Variants in ANKRD13C observed in about 807,000 individuals in gnomAD.
ANKRD13C encodes the protein ankyrin repeat domain-containing protein 13C.
A neutral mutation model predicts 65.5 loss-of-function variants in ANKRD13C; 16 were observed. The ratio of observed to expected loss-of-function variants is 0.24; its 90% CI spans 0.17 to 0.37. The LOEUF (loss-of-function observed/expected upper bound fraction) is 0.37, where lower values mean the gene tolerates loss of function less well. ANKRD13C is among the 10% of genes least tolerant of loss of function. The probability of loss-of-function intolerance (pLI) is 1.00; values close to 1 mark genes in which losing one functional copy is unlikely to be tolerated. For missense variants in ANKRD13C, 503 were observed against 655.9 expected, an observed-to-expected ratio of 0.77 and a Z score of 2.55; for synonymous variants, 235 against 238.7, an observed-to-expected ratio of 0.98 and a Z score of 0.14.
Position 70,297,286 on chromosome 1 carries a change from GAT to G in ANKRD13C, c.922-1027_922-1026del, listed in dbSNP as rs1491326465. On this transcript the variant is annotated intron_variant, in intron 7 of 12. Coordinates refer to ENST00000370944, the MANE Select transcript of ANKRD13C (RefSeq NM_030816.5). ...TTTAACCTACATAGAGTCCCTTTCT[GAT>G]TTTTTTTTTTTTTTTTTTTTTTTGA... 2.0e-3 allele frequency among the ~76,000 whole-genome samples: 252 copies of G among 125,102 alleles called. 6 individuals carry two copies. The highest frequency in any genetic ancestry group is 6.7e-3 in the African/African-American group (225 of 33,424). The allele number at this position is 125,102 out of a possible 152,430, so 82.1% of individuals were successfully genotyped here. A position where few individuals can be genotyped will look rare whatever the true frequency, so the allele number is the denominator to read the frequency against.
intron 9 of ANKRD13C, among the ~76,000 whole-genome samples, chr1:70,289,329 A>G (rs1679755443): frequency 6.6e-6 from 1 of 152,202 alleles, no homozygotes; most frequent in Admixed American, 6.5e-5. Flanking sequence ...CTCTGCCCTT[A>G]AGAAAATCAA....
chr1:70,309,568 T>C lies in ANKRD13C; in HGVS notation c.710-3278A>G, dbSNP rs192309897. 7.5e-5 allele frequency among the ~76,000 whole-genome samples: 11 copies of C among 147,414 alleles called. No homozygotes were observed. In the East Asian group the frequency reaches 2.0e-3, roughly 27 times the overall value. ...CCCGTCTGTACTAAAAAAAAGAAAA[T>C]ACAAAAAATTAGCCGGGCGTGGTGG... On this transcript the variant is annotated intron_variant, in intron 5 of 12. Transcript: ENST00000370944.
At chr1:70,292,269 G>A in intron 9 of ANKRD13C, 119 bp downstream of exon 9, 1 of 674,640 alleles carries the variant, frequency 1.5e-6, no homozygotes, top group Non-Finnish European at 2.2e-6. Context: ...ACAGAAAAAG[G>A]TAACACACAG....
intron 11 of ANKRD13C, among the ~76,000 whole-genome samples, chr1:70,274,285 C>T (rs1360476639): frequency 6.6e-6 from 1 of 151,352 alleles, no homozygotes; most frequent in African/African-American, 2.4e-5. Context: ...GCCAGCCTGG[C>T]CAACATGGCG....
intron 12 of ANKRD13C, among the ~76,000 whole-genome samples, chr1:70,264,004 T>A (rs147961457): frequency 2.6e-5 from 4 of 152,188 alleles, no homozygotes; most frequent in Non-Finnish European, 5.9e-5. Flanking sequence ...TTATAGAGTT[T>A]CCAGTTATTT....
At chr1:70,282,670 C>G (rs1679449984) in intron 9 of ANKRD13C, among the ~76,000 whole-genome samples, 1 of 152,082 alleles carries the variant, frequency 6.6e-6, no homozygotes, top group Admixed American at 6.6e-5. Context: ...TAGTTAATGA[C>G]CCTCACAAAT....
intron 2 of ANKRD13C, among the ~76,000 whole-genome samples, chr1:70,325,792 T>G (rs1299269050): frequency 6.6e-6 from 1 of 152,052 alleles, no homozygotes; most frequent in Non-Finnish European, 1.5e-5. Context: ...GGCAGGAGAA[T>G]CGCTTGAACC....
chr1:70,262,959 A>AAAAT, intron 12 of ANKRD13C, 112 bp from the exon 13 acceptor site: 1 of 853,102 alleles, frequency 1.2e-6, no homozygotes, highest in Non-Finnish European at 1.7e-6. Flanking sequence ...AAAAAAAAAA[A>AAAAT]ATACTCAAGA....
intron 9 of ANKRD13C, among the ~76,000 whole-genome samples, chr1:70,288,381 C>T (rs1679713274): frequency 6.6e-6 from 1 of 152,184 alleles, no homozygotes; most frequent in Non-Finnish European, 1.5e-5. Context: ...AAACTGCACT[C>T]TTGGGCATTT....
At chr1:70,272,069 T>C (rs1459396768) in intron 11 of ANKRD13C, among the ~76,000 whole-genome samples, 1 of 152,178 alleles carries the variant, frequency 6.6e-6, no homozygotes, top group African/African-American at 2.4e-5. Flanking sequence ...CTCCTTTTCA[T>C]TTCATTTTAC....
At position 70,347,026 on chromosome 1, in the gene ANKRD13C, A is replaced by G. The variant is rs1037624843; in HGVS notation, c.430+6953T>C. Among the ~76,000 whole-genome samples the G allele has an allele frequency of 3.7e-5, 5 of 135,062 alleles. No homozygotes were observed. The East Asian group carries it at 9.7e-4, about 26-fold the overall frequency. The allele number at this position is 135,062 out of a possible 152,430, so 88.6% of individuals were successfully genotyped here. On this transcript the variant is annotated intron_variant, in intron 1 of 12. Transcript: ENST00000370944. ...AGAATGGTGTGAACCGGGGAGGCGG[A>G]GCTTGCAGTGAGCCGAGATCGCGCC...
chr1:70,274,493 A>AAAG (rs1553242394), intron 11 of ANKRD13C, among the ~76,000 whole-genome samples: 3 of 147,568 alleles, frequency 2.0e-5, no homozygotes, highest in Non-Finnish European at 4.4e-5. Context: ...AAAAAAAAAA[A>AAAG]AAAGAAAGAA....
chr1:70,332,276 A>G (rs1212267935), intron 2 of ANKRD13C, among the ~76,000 whole-genome samples: 1 of 152,244 alleles, frequency 6.6e-6, no homozygotes, highest in African/African-American at 2.4e-5. Context: ...GCATATTAGC[A>G]TATCAAATTT....
At position 70,300,716 on chromosome 1, in the gene ANKRD13C, C is replaced by T; in HGVS notation, c.921+48G>A. 5 of 1,434,624 alleles carry T rather than the reference C, an allele frequency of 3.5e-6. No homozygotes were observed. The South Asian group carries it at 4.5e-5, about 13-fold the overall frequency. 88.9% of individuals were successfully genotyped at this position (1,434,624 alleles called of 1,614,324 possible). A position where few individuals can be genotyped will look rare whatever the true frequency, so the allele number is the denominator to read the frequency against. Reference sequence around the variant, plus strand: ...ACTGAGGTTTTGCTAAAAACCTATACTTTTTTTTTAATGATTTAAAGGAAT... The same window carrying T: ...ACTGAGGTTTTGCTAAAAACCTATATTTTTTTTTTAATGATTTAAAGGAAT... On this transcript the variant is annotated intron_variant, in intron 7 of 12. Coordinates refer to ENST00000370944, the MANE Select transcript of ANKRD13C (RefSeq NM_030816.5).
chr1:70,313,689 G>A lies in ANKRD13C; in HGVS notation c.709+56C>T. The A allele has an allele frequency of 4.6e-6, 6 of 1,298,272 alleles. No individual in the cohort carries two copies. In the South Asian group the frequency reaches 7.7e-5, roughly 17 times the overall value. The allele number at this position is 1,298,272 out of a possible 1,614,324, so 80.4% of individuals were successfully genotyped here. A position where few individuals can be genotyped will look rare whatever the true frequency, so the allele number is the denominator to read the frequency against. On this transcript the variant is annotated intron_variant, in intron 5 of 12. Transcript: ENST00000370944. ...ACATTTCTATATGATAGGTATTTTT[G>A]TACTTGCATTTCTGCATAAGTACAT...
chr1:70,284,070 C>A (rs1430436481), intron 9 of ANKRD13C, among the ~76,000 whole-genome samples: 1 of 151,868 alleles, frequency 6.6e-6, no homozygotes, highest in East Asian at 1.9e-4. Context: ...AGAACCACAT[C>A]TGGGAAGGAA....
At chr1:70,339,315 A>AT (rs781339493) in intron 1 of ANKRD13C, among the ~76,000 whole-genome samples, 25,809 of 127,844 alleles carry the variant, frequency 0.2, 2,908 homozygotes, top group East Asian at 0.26. Context: ...CTATCATTCC[A>AT]TTTTTTTTTT....
intron 12 of ANKRD13C, among the ~76,000 whole-genome samples, chr1:70,266,357 AG>A (rs1372637320): frequency 1.3e-5 from 2 of 152,222 alleles, no homozygotes; most frequent in Non-Finnish European, 2.9e-5. Context: ...CCCACGGTAT[AG>A]GTGTATCATT....
chr1:70,314,560 C>T (rs1680993168), intron 4 of ANKRD13C, among the ~76,000 whole-genome samples: 1 of 151,924 alleles, frequency 6.6e-6, no homozygotes, highest in Non-Finnish European at 1.5e-5. Context: ...AGAAGCTAGA[C>T]ACCAAAGATT....
Sources: allele counts gnomAD v4.1 joint callset (sites outside exome capture counted in the v4.1 genomes callset), GRCh38; gene constraint gnomAD v4.1.1; transcripts MANE v1.5; gene names NCBI Gene and HGNC (gene_info 2026-07-23, HGNC 2026-07-21).